The following ATP9B variants were observed in gnomAD, a reference collection of about 807,000 sequenced individuals.
The protein encoded by ATP9B is probable phospholipid-transporting ATPase IIB.
ATP9B carries 110 observed loss-of-function variants against 146.1 expected under a neutral mutation model. That is an observed-to-expected ratio of 0.75 (90% CI 0.65 to 0.88). ATP9B has a LOEUF of 0.88. ATP9B is among the 40% of genes least tolerant of loss of function. ATP9B has a pLI of 0.00. For missense variants in ATP9B, 1,499 were observed against 1,496.4 expected (o/e 1.00, Z -0.03); for synonymous variants, 604 against 569.7 (o/e 1.06, Z -0.86).
chr18:79,352,624 C>G (rs1015017708), intron 25 of ATP9B: 1 of 150,654 alleles, frequency 6.6e-6, no homozygotes, highest in Non-Finnish European at 1.5e-5. Context: ...CTCGAAACCT[C>G]TGTGTTTCAA....
intron 9 of ATP9B, among the ~76,000 whole-genome samples, chr18:79,201,494 C>T (rs371187670): frequency 4.6e-5 from 7 of 152,104 alleles, no homozygotes; most frequent in Non-Finnish European, 1.0e-4. Flanking sequence ...TGCTTGTAAC[C>T]CTAGCACTTT....
chr18:79,364,747 G>A (rs537810732), intron 26 of ATP9B, among the ~76,000 whole-genome samples: 2 of 152,328 alleles, frequency 1.3e-5, no homozygotes, highest in East Asian at 1.9e-4. Context: ...TTGGCCAGGT[G>A]CAGTGGCTTA....
At chr18:79,069,673 T>A in intron 1 of ATP9B, 144 bp downstream of exon 1, 1 of 510,534 alleles carries the variant, frequency 2.0e-6, no homozygotes, top group African/African-American at 2.0e-5. Flanking sequence ...CTTGGCGTTC[T>A]GAGCGCGCCG....
chr18:79,136,641 C>A (rs562966017), intron 5 of ATP9B, among the ~76,000 whole-genome samples: 1 of 152,092 alleles, frequency 6.6e-6, no homozygotes, highest in South Asian at 2.1e-4. Context: ...CTTTTAAATT[C>A]TTTTTTCTGT....
At chr18:79,160,907 GA>G (rs1210600262) in intron 7 of ATP9B, among the ~76,000 whole-genome samples, 4 of 152,100 alleles carry the variant, frequency 2.6e-5, no homozygotes, top group Non-Finnish European at 5.9e-5. Flanking sequence ...GAGTAGCTGG[GA>G]CTCCAGGCAC....
chr18:79,126,880 C>T (rs1456273238), intron 5 of ATP9B, among the ~76,000 whole-genome samples: 1 of 152,186 alleles, frequency 6.6e-6, no homozygotes, highest in Non-Finnish European at 1.5e-5. Context: ...TTAACTCTTG[C>T]TTAACTTACA....
At position 79,239,771 on chromosome 18, in the gene ATP9B, T is replaced by TAGAAA. The variant is rs2095872026; in HGVS notation, c.1108-13610_1108-13609insAGAAA. On this transcript the variant is annotated intron_variant, in intron 11 of 29. Coordinates refer to ENST00000426216, the MANE Select transcript of ATP9B (RefSeq NM_198531.5). The surrounding 1 kb of genome is among the most constrained non-coding windows in gnomAD (Gnocchi z 5.1). The stretch of plus-strand genomic sequence containing the variant: ...AGTAATGTGTTTTCTCACCTTGCTG[T>TAGAAA]TTTCTCGAGAGCATTGTTTTGTGAG... Among the ~76,000 whole-genome samples, 1 of 152,206 alleles carries TAGAAA rather than the reference T, an allele frequency of 6.6e-6. No homozygotes were observed. Among genetic ancestry groups the TAGAAA allele is most frequent in the South Asian group, 2.1e-4 (1 of 4,832 alleles).
Position 79,373,936 on chromosome 18 carries a change from T to C in ATP9B, c.3109T>C (p.Ser1037Pro). ...LMYGALVLFE[S>P]EFVHVVAISF... Reference sequence around the variant, plus strand: ...GTATGGGGCCCTGGTGCTCTTCGAGTCTGAGTTCGTCCACGTGGTGGCCAT... The same window carrying C: ...GTATGGGGCCCTGGTGCTCTTCGAGCCTGAGTTCGTCCACGTGGTGGCCAT... The change falls in exon 28 of 30, where the codon TCT (serine) becomes CCT (proline). Residue 1037 changes from serine to proline, a missense_variant. Transcript: ENST00000426216. The C allele has an allele frequency of 1.2e-6, 2 of 1,613,528 alleles. No homozygotes were observed. The highest frequency in any genetic ancestry group is 1.7e-6 in the Non-Finnish European group (2 of 1,180,024).
intron 15 of ATP9B, among the ~76,000 whole-genome samples, chr18:79,313,029 G>A (rs1379837475): frequency 2.0e-5 from 3 of 152,146 alleles, no homozygotes; most frequent in Admixed American, 1.3e-4. Context: ...CCCTGTCAGC[G>A]CGCTGTTGGC....
At chr18:79,127,628 T>A (rs951961083) in intron 5 of ATP9B, among the ~76,000 whole-genome samples, 1 of 152,246 alleles carries the variant, frequency 6.6e-6, no homozygotes, top group Non-Finnish European at 1.5e-5. Flanking sequence ...CATTTGGGGT[T>A]GTTTCTACTT....
At chr18:79,222,969 A>G (rs2095695072) in intron 11 of ATP9B, among the ~76,000 whole-genome samples, 2 of 152,236 alleles carry the variant, frequency 1.3e-5, no homozygotes, top group African/African-American at 2.4e-5. Flanking sequence ...CATGCCATTC[A>G]TAATAATCAG....
intron 15 of ATP9B, among the ~76,000 whole-genome samples, chr18:79,326,492 C>CTG (rs2096747144): frequency 6.7e-6 from 1 of 148,616 alleles, no homozygotes; most frequent in Non-Finnish European, 1.5e-5. Flanking sequence ...GGTGTCATCT[C>CTG]TATACCCTCC....
intron 14 of ATP9B, among the ~76,000 whole-genome samples, chr18:79,305,678 T>C (rs1203515181): frequency 6.6e-6 from 1 of 152,248 alleles, no homozygotes; most frequent in Non-Finnish European, 1.5e-5. Context: ...GCAGAAAAGA[T>C]GAAGCATCAT....
chr18:79,277,293 A>G (rs1472972687), intron 13 of ATP9B, 97 bp downstream of exon 13: 4 of 1,433,594 alleles, frequency 2.8e-6, no homozygotes, highest in South Asian at 1.3e-5. Flanking sequence ...GTATGTATAT[A>G]TGTGTATGTA....
At chr18:79,261,275 C>T (rs1223980537) in intron 12 of ATP9B, among the ~76,000 whole-genome samples, 1 of 152,136 alleles carries the variant, frequency 6.6e-6, no homozygotes, top group Non-Finnish European at 1.5e-5. Context: ...AACATGTGCC[C>T]ATATGAAATC....
intron 5 of ATP9B, among the ~76,000 whole-genome samples, chr18:79,137,090 T>G (rs1459209205): frequency 2.6e-5 from 4 of 152,216 alleles, no homozygotes; most frequent in African/African-American, 9.6e-5. Flanking sequence ...CATATCATAC[T>G]TTAATTTCAT....
chr18:79,080,860 C>G (rs1425165149), intron 1 of ATP9B, among the ~76,000 whole-genome samples: 3 of 152,190 alleles, frequency 2.0e-5, no homozygotes, highest in African/African-American at 7.2e-5. Flanking sequence ...AAGGCCTTTT[C>G]TGCATCTATT....
intron 26 of ATP9B, among the ~76,000 whole-genome samples, chr18:79,368,888 C>T (rs991702167): frequency 6.6e-6 from 1 of 152,022 alleles, no homozygotes; most frequent in African/African-American, 2.4e-5. Context: ...GAAGCCCACA[C>T]TTCCTCCCCA....
intron 9 of ATP9B, among the ~76,000 whole-genome samples, chr18:79,205,274 T>G (rs1309035895): frequency 1.3e-5 from 1 of 76,274 alleles, no homozygotes; most frequent in Non-Finnish European, 2.7e-5. Flanking sequence ...GATTCTGTGC[T>G]TCACAAATAA....
Sources: gnomAD v4.1 joint callset for allele counts (sites outside exome capture counted in the v4.1 genomes callset) on GRCh38, gnomAD v4.1.1 for gene constraint, Gnocchi (gnomAD v3.1) non-coding constraint, MANE v1.5 for transcripts, NCBI Gene and HGNC (gene_info 2026-07-23, HGNC 2026-07-21) for gene names.